Variants in MPZL3 observed in about 807,000 individuals in gnomAD.
MPZL3 encodes the protein myelin protein zero-like protein 3.
In MPZL3, 23 loss-of-function variants were observed where a neutral mutation model predicts 24.8. The observed-to-expected ratio is 0.93, with a 90% CI of 0.67 to 1.31. The LOEUF is 1.31. Among genes scored for constraint, MPZL3 ranks in the 40% most tolerant of loss-of-function variants. The pLI is 0.00. For missense variants in MPZL3, 277 were observed against 294.9 expected (o/e 0.94, Z 0.44); for synonymous variants, 99 against 106.5 (o/e 0.93, Z 0.44).
intron 5 of MPZL3, among the ~76,000 whole-genome samples, chr11:118,231,674 ACT>A (rs1949353781): frequency 6.6e-6 from 1 of 152,078 alleles, no homozygotes; most frequent in Non-Finnish European, 1.5e-5. Context: ...GCAAATGGTA[ACT>A]CTATTCTACC....
At chr11:118,234,654 A>T (rs1166307956) in intron 4 of MPZL3, among the ~76,000 whole-genome samples, 1 of 152,036 alleles carries the variant, frequency 6.6e-6, no homozygotes, top group Non-Finnish European at 1.5e-5. Context: ...TTTTACCAAG[A>T]GTTCTTTGTC....
At chr11:118,249,572 A>T (rs1194120569) in intron 1 of MPZL3, among the ~76,000 whole-genome samples, 1 of 152,140 alleles carries the variant, frequency 6.6e-6, no homozygotes, top group East Asian at 1.9e-4. Flanking sequence ...TGGGGAAAAA[A>T]CAAGAAAATC....
rs1949303781 is a variant in MPZL3, at chr11:118,228,608, T to C, written c.*1286A>G. The C allele has an allele frequency of 6.6e-6, 1 of 152,202 alleles. No homozygotes were observed. The highest frequency in any genetic ancestry group is 6.5e-5 in the Admixed American group (1 of 15,278). The allele number at this position is 152,202 out of a possible 1,614,324, so 9.4% of individuals were successfully genotyped here. ...AGAAGTATGTCATGCACAATCTCAC[T>C]TCCTCATCTCAAATATTATGTAAAA... On this transcript the variant is annotated 3_prime_UTR_variant, in exon 6 of 6. Coordinates refer to ENST00000278949, the MANE Select transcript of MPZL3 (RefSeq NM_198275.3).
intron 4 of MPZL3, 67 bp downstream of exon 4, chr11:118,235,357 T>G: frequency 6.6e-7 from 1 of 1,515,724 alleles, no homozygotes; most frequent in Non-Finnish European, 8.9e-7. Flanking sequence ...AAGGTGTGGA[T>G]GTGGGGGTCT....
intron 5 of MPZL3, among the ~76,000 whole-genome samples, chr11:118,232,260 G>C (rs1260135059): frequency 6.6e-6 from 1 of 152,050 alleles, no homozygotes; most frequent in Non-Finnish European, 1.5e-5. Flanking sequence ...TTAGGTGTTT[G>C]CTTGAGTATC....
intron 2 of MPZL3, among the ~76,000 whole-genome samples, chr11:118,237,823 A>T (rs1949446038): frequency 6.6e-6 from 1 of 152,192 alleles, no homozygotes; most frequent in South Asian, 2.1e-4. Flanking sequence ...TGAGGCAGGT[A>T]TAATTATTCC....
At chr11:118,245,495 C>T (rs1405041185) in intron 1 of MPZL3, among the ~76,000 whole-genome samples, 2 of 152,154 alleles carry the variant, frequency 1.3e-5, no homozygotes, top group African/African-American at 4.8e-5. Flanking sequence ...GTCAGGTTTC[C>T]GACTTGCTGA....
At chr11:118,250,541 G>T (rs577039389) in intron 1 of MPZL3, among the ~76,000 whole-genome samples, 1 of 152,024 alleles carries the variant, frequency 6.6e-6, no homozygotes, top group African/African-American at 2.4e-5. Context: ...TGTATGGCAT[G>T]TGAATAATAT....
chr11:118,242,823 G>A (rs1949513551), intron 1 of MPZL3, among the ~76,000 whole-genome samples: 1 of 152,092 alleles, frequency 6.6e-6, no homozygotes, highest in Admixed American at 6.5e-5. Flanking sequence ...AGATGCCATC[G>A]ATTGCACCTA....
At chr11:118,235,333 G>A (rs1949408814) in intron 4 of MPZL3, 91 bp downstream of exon 4, 1 of 1,438,862 alleles carries the variant, frequency 6.9e-7, no homozygotes, top group Non-Finnish European at 9.4e-7. Flanking sequence ...ACTAAACTCG[G>A]TCCAGAAGAA....
At chr11:118,236,759 A>C (rs1308699900) in intron 3 of MPZL3, among the ~76,000 whole-genome samples, 1 of 152,200 alleles carries the variant, frequency 6.6e-6, no homozygotes, top group Admixed American at 6.5e-5. Flanking sequence ...ATATTTACTC[A>C]GGGGTTTTCC....
At chr11:118,242,254 A>C (rs911447651) in intron 1 of MPZL3, among the ~76,000 whole-genome samples, 1 of 152,216 alleles carries the variant, frequency 6.6e-6, no homozygotes, top group Admixed American at 6.5e-5. Context: ...CACTTGGAAA[A>C]TGGGAATAAT....
In MPZL3 at chr11:118,228,574, A is replaced by C. The variant is rs1193268664; in HGVS notation, c.*1320T>G. 6.6e-6 allele frequency: 1 copy of C among 152,260 alleles called. No homozygotes were observed. The highest frequency in any genetic ancestry group is 1.5e-5 in the Non-Finnish European group (1 of 68,034). The allele number at this position is 152,260 out of a possible 1,614,324, so 9.4% of individuals were successfully genotyped here. On this transcript the variant is annotated 3_prime_UTR_variant, in exon 6 of 6. Transcript: ENST00000278949. Reference sequence around the variant, plus strand: ...TAACCTGCTGTAAGGCACTGAGAGAATACAAAGGAGAAGTATGTCATGCAC... The same window carrying C: ...TAACCTGCTGTAAGGCACTGAGAGACTACAAAGGAGAAGTATGTCATGCAC...
At chr11:118,235,655 A>C in intron 3 of MPZL3, 66 bp from the exon 4 acceptor site, 2 of 1,496,704 alleles carry the variant, frequency 1.3e-6, no homozygotes, top group Non-Finnish European at 1.8e-6. Context: ...GACATGAGCA[A>C]CTAGGTTCTA....
At chr11:118,238,208 A>C (rs1019131594) in intron 2 of MPZL3, among the ~76,000 whole-genome samples, 1 of 152,212 alleles carries the variant, frequency 6.6e-6, no homozygotes, top group African/African-American at 2.4e-5. Context: ...GCTCTACGGT[A>C]TACAACTAGT....
chr11:118,230,746 T>C (rs1322834833), intron 5 of MPZL3, among the ~76,000 whole-genome samples: 1 of 152,066 alleles, frequency 6.6e-6, no homozygotes, highest in Non-Finnish European at 1.5e-5. Context: ...TTCCACAAGC[T>C]CCATCACATG....
chr11:118,245,219 C>G (rs562037308), intron 1 of MPZL3, among the ~76,000 whole-genome samples: 2 of 150,010 alleles, frequency 1.3e-5, no homozygotes, highest in East Asian at 4.0e-4. Context: ...GCCAACATGG[C>G]GAAACCCCGT....
chr11:118,231,474 A>C (rs1485095834), intron 5 of MPZL3, among the ~76,000 whole-genome samples: 1 of 151,968 alleles, frequency 6.6e-6, no homozygotes, highest in Non-Finnish European at 1.5e-5. Context: ...GTCTGTTATC[A>C]GTCTCTATCT....
chr11:118,232,710 C>T (rs1949370333), intron 5 of MPZL3, among the ~76,000 whole-genome samples: 1 of 152,308 alleles, frequency 6.6e-6, no homozygotes, highest in South Asian at 2.1e-4. Context: ...TTTCTCTCAT[C>T]TTCCCTATGA....
Sources: allele counts gnomAD v4.1 joint callset (sites outside exome capture counted in the v4.1 genomes callset), GRCh38; gene constraint gnomAD v4.1.1; transcripts MANE v1.5; gene names NCBI Gene and HGNC (gene_info 2026-07-23, HGNC 2026-07-21).